SRGAP2B: variants seen among roughly 807,000 people sequenced by gnomAD.
The protein encoded by SRGAP2B is SLIT-ROBO Rho GTPase-activating protein 2B.
In SRGAP2B, 9 loss-of-function variants were observed where a neutral mutation model predicts 22.2. The ratio of observed to expected loss-of-function variants is 0.41; its 90% CI spans 0.24 to 0.71. The LOEUF is 0.71. Ranked by LOEUF, SRGAP2B falls within the 30% of genes least tolerant of loss-of-function variation. The pLI, the probability that SRGAP2B is intolerant of heterozygous loss-of-function variation, is 0.35. For synonymous variants in SRGAP2B, 36 were observed against 87.4 expected, an observed-to-expected ratio of 0.41 and a Z score of 3.28; for missense variants, 114 against 235.8, an observed-to-expected ratio of 0.48 and a Z score of 3.38.
At chr1:145,090,215 C>T (rs1571176444) in intron 2 of SRGAP2B, among the ~76,000 whole-genome samples, 1 of 149,034 alleles carries the variant, frequency 6.7e-6, no homozygotes, top group Non-Finnish European at 1.5e-5. Flanking sequence ...CAAACCAGAT[C>T]GCAGGCCCTT....
chr1:145,047,134 CCACTG>C (rs1200057162), intron 2 of SRGAP2B, among the ~76,000 whole-genome samples: 4 of 136,088 alleles, frequency 2.9e-5, no homozygotes, highest in Non-Finnish European at 6.2e-5. Context: ...CAAGATCGCA[CCACTG>C]CACCCCAGAC....
At chr1:144,983,124 C>T (rs1221416598) in intron 3 of SRGAP2B, among the ~76,000 whole-genome samples, 15 of 148,254 alleles carry the variant, frequency 1.0e-4, no homozygotes, top group Non-Finnish European at 1.5e-4. Flanking sequence ...TTTTCCCTCC[C>T]GGGAGCTTCA....
In SRGAP2B at chr1:145,009,463, C is replaced by G. The variant is rs1671878432; in HGVS notation, c.68-14263G>C. On this transcript the variant is annotated intron_variant, in intron 2 of 9. Transcript: ENST00000612199. ...ATTAGCCGGGCGTAGTGGCGGGCGC[C>G]TGTAGTCCCAGCTACTTGGGAGGCT... Among the ~76,000 whole-genome samples the G allele has an allele frequency of 1.4e-5, 2 of 146,922 alleles. 1 individual carries two copies. Among genetic ancestry groups the G allele is most frequent in the African/African-American group, 5.1e-5 (2 of 38,838 alleles).
chr1:145,080,775 G>C (rs1652851739), intron 2 of SRGAP2B, among the ~76,000 whole-genome samples: 1 of 149,366 alleles, frequency 6.7e-6, no homozygotes, highest in Non-Finnish European at 1.5e-5. Flanking sequence ...GGCTGGTCTT[G>C]AACTCCTGAC....
intron 2 of SRGAP2B, among the ~76,000 whole-genome samples, chr1:145,020,702 GAATGAATGAATA>G (rs1223623095): frequency 6.7e-5 from 10 of 148,812 alleles, no homozygotes; most frequent in African/African-American, 2.3e-4. Flanking sequence ...TTGCACAGAT[GAATGAATGAATA>G]AATGAATGAA....
At chr1:145,058,110 C>A (rs1330340717) in intron 2 of SRGAP2B, among the ~76,000 whole-genome samples, 1 of 149,744 alleles carries the variant, frequency 6.7e-6, no homozygotes. Context: ...TAGAGGCAGA[C>A]TTTGGGATCC....
At chr1:144,914,390 C>T (rs1663668973) in intron 5 of SRGAP2B, among the ~76,000 whole-genome samples, 1 of 151,194 alleles carries the variant, frequency 6.6e-6, no homozygotes, top group Non-Finnish European at 1.5e-5. Context: ...TGGTTTGCTG[C>T]TAACGGGGTC....
chr1:144,941,121 C>A (rs587746412), intron 4 of SRGAP2B, among the ~76,000 whole-genome samples: 3 of 144,400 alleles, frequency 2.1e-5, no homozygotes, highest in Admixed American at 6.9e-5. Flanking sequence ...GAAAAAAACA[C>A]GTTACTACTT....
At chr1:144,914,380 T>G (rs1349582008) in intron 5 of SRGAP2B, among the ~76,000 whole-genome samples, 3 of 151,074 alleles carry the variant, frequency 2.0e-5, no homozygotes, top group African/African-American at 7.3e-5. Flanking sequence ...TCAGGGTCCC[T>G]GGTTTGCTGC....
chr1:144,925,666 A>G (rs587653587), intron 4 of SRGAP2B, among the ~76,000 whole-genome samples: 30 of 144,886 alleles, frequency 2.1e-4, no homozygotes, highest in African/African-American at 7.2e-4. Context: ...AAAGAAAAAA[A>G]AAGGACAGAA....
At chr1:144,969,916 C>G (rs1386144585) in intron 3 of SRGAP2B, among the ~76,000 whole-genome samples, 3 of 150,822 alleles carry the variant, frequency 2.0e-5, no homozygotes, top group African/African-American at 7.4e-5. Context: ...CACTGGCCAT[C>G]AGAGAAATGC....
intron 4 of SRGAP2B, among the ~76,000 whole-genome samples, chr1:144,925,211 G>C (rs587709288): frequency 6.7e-6 from 1 of 150,224 alleles, no homozygotes; most frequent in Admixed American, 6.6e-5. Context: ...CACTATTTTG[G>C]CCGGGATGAT....
intron 3 of SRGAP2B, among the ~76,000 whole-genome samples, chr1:144,973,110 CA>C (rs55957415): frequency 1.4e-5 from 2 of 146,108 alleles, no homozygotes; most frequent in Non-Finnish European, 3.0e-5. Context: ...CCCATCTCAA[CA>C]AAAAAAAGAA....
In SRGAP2B at chr1:144,928,347, T is replaced by C. The variant is rs1570761584; in HGVS notation, c.424-13593A>G. On this transcript the variant is annotated intron_variant, in intron 4 of 9. Coordinates refer to ENST00000612199, the Ensembl canonical transcript of SRGAP2B. Reference sequence around the variant, plus strand: ...TAAATTGTATAGGTATGCCATACTTTGTTTAAGTTTGTTCCATAAATCACT... The same window carrying C: ...TAAATTGTATAGGTATGCCATACTTCGTTTAAGTTTGTTCCATAAATCACT... Among the ~76,000 whole-genome samples, 5 of 146,504 alleles carry C rather than the reference T, an allele frequency of 3.4e-5. No homozygotes were observed. The South Asian group carries it at 1.1e-3, about 31-fold the overall frequency.
chr1:144,944,333 A>T (rs1553608006), intron 4 of SRGAP2B, among the ~76,000 whole-genome samples: 1 of 150,732 alleles, frequency 6.6e-6, no homozygotes, highest in Admixed American at 6.6e-5. Context: ...ACTATGTTTT[A>T]AAAATATCCA....
intron 3 of SRGAP2B, among the ~76,000 whole-genome samples, chr1:144,984,365 C>CA (rs57268593): frequency 0.015 from 1,936 of 126,376 alleles, 53 homozygotes; most frequent in Middle Eastern, 0.055. Context: ...ACAACAACAA[C>CA]AAAAAAAAAA....
rs1670596304 is a variant in SRGAP2B, at chr1:144,995,259, T to G, written c.68-59A>C. 8.1e-6 allele frequency: 4 copies of G among 492,386 alleles called. No individual in the cohort carries two copies. The East Asian group carries it at 1.3e-4, about 16-fold the overall frequency. The allele number at this position is 492,386 out of a possible 1,614,324, so 30.5% of individuals were successfully genotyped here. ...ACAGCCCTAAATAAACCACCATGCA[T>G]GCCAATATTCACCCACCTTCCACTT... On this transcript the variant is annotated intron_variant, in intron 2 of 9. Coordinates refer to ENST00000612199, the Ensembl canonical transcript of SRGAP2B.
chr1:145,058,158 C>T (rs1377887079), intron 2 of SRGAP2B, among the ~76,000 whole-genome samples: 3 of 149,494 alleles, frequency 2.0e-5, no homozygotes, highest in Non-Finnish European at 3.0e-5. Context: ...ACCATGAGCA[C>T]GTATCTTAAT....
In SRGAP2B at chr1:145,073,009, C is replaced by T. The variant is rs1429888695; in HGVS notation, c.67+19826G>A. The stretch of plus-strand genomic sequence containing the variant: ...CCCAGCTGACCCTCATAAGGGGCCT[C>T]CAACCAAACTCGGAGCAAGGCAGCT... On this transcript the variant is annotated intron_variant, in intron 2 of 9. Coordinates refer to ENST00000612199, the Ensembl canonical transcript of SRGAP2B. Among the ~76,000 whole-genome samples, 75 of 148,460 alleles carry T rather than the reference C, an allele frequency of 5.1e-4. 5 individuals carry two copies. The highest frequency in any genetic ancestry group is 9.2e-4 in the Non-Finnish European group (62 of 67,394).
Sources: gnomAD v4.1 joint callset for allele counts (sites outside exome capture counted in the v4.1 genomes callset) on GRCh38, gnomAD v4.1.1 for gene constraint, MANE v1.5 for transcripts, NCBI Gene and HGNC (gene_info 2026-07-23, HGNC 2026-07-21) for gene names.